HECW2: variants seen among roughly 807,000 people sequenced by gnomAD.
HECW2 encodes E3 ubiquitin-protein ligase HECW2.
HECW2 carries 61 observed loss-of-function variants against 175.2 expected under a neutral mutation model. The ratio of observed to expected loss-of-function variants is 0.35; its 90% CI spans 0.28 to 0.43. The LOEUF (loss-of-function observed/expected upper bound fraction) is 0.43, where lower values mean the gene tolerates loss of function less well. HECW2 is among the 20% of genes least tolerant of loss of function. The pLI is 1.00. For synonymous variants in HECW2, 671 were observed against 731.0 expected, an observed-to-expected ratio of 0.92 and a Z score of 1.32; for missense variants, 1,524 against 2,000.5, an observed-to-expected ratio of 0.76 and a Z score of 4.54.
intron 1 of HECW2, among the ~76,000 whole-genome samples, chr2:196,481,084 G>A (rs918335020): frequency 6.6e-6 from 1 of 152,230 alleles, no homozygotes; most frequent in Admixed American, 6.5e-5. Flanking sequence ...CAAGTTTCAA[G>A]AAGGCTTTGG....
chr2:196,349,662 G>C (rs564687346), intron 2 of HECW2, among the ~76,000 whole-genome samples: 2 of 152,188 alleles, frequency 1.3e-5, no homozygotes, highest in South Asian at 4.2e-4. Flanking sequence ...TTACAACTTA[G>C]AGCTACTCCC....
intron 13 of HECW2, among the ~76,000 whole-genome samples, chr2:196,294,160 A>G (rs1690715919): frequency 6.6e-6 from 1 of 151,538 alleles, no homozygotes. Context: ...CTTCATTTCT[A>G]TGATATTTAA....
chr2:196,380,891 C>T (rs1012463824), intron 2 of HECW2, among the ~76,000 whole-genome samples: 2 of 152,144 alleles, frequency 1.3e-5, no homozygotes, highest in Non-Finnish European at 2.9e-5. Context: ...AATAAATGCT[C>T]CTCATGTACT....
At chr2:196,220,611 G>A (rs1336482808) in intron 25 of HECW2, among the ~76,000 whole-genome samples, 184 bp downstream of exon 25, 5 of 152,138 alleles carry the variant, frequency 3.3e-5, no homozygotes, top group Non-Finnish European at 4.4e-5. Flanking sequence ...GTGATCTCTC[G>A]TAACAGTGAG....
intron 1 of HECW2, among the ~76,000 whole-genome samples, chr2:196,585,967 T>C (rs1439294514): frequency 6.6e-6 from 1 of 152,104 alleles, no homozygotes; most frequent in Non-Finnish European, 1.5e-5. Context: ...CCACCCAATA[T>C]CTTCATGCAA....
intron 1 of HECW2, among the ~76,000 whole-genome samples, chr2:196,496,003 T>C (rs573560877): frequency 6.6e-6 from 1 of 152,322 alleles, no homozygotes; most frequent in South Asian, 2.1e-4. Context: ...GAAAGGAAGA[T>C]GAGCATCTTT....
chr2:196,215,094 G>A (rs1050161846), intron 28 of HECW2, among the ~76,000 whole-genome samples: 1 of 152,086 alleles, frequency 6.6e-6, no homozygotes, highest in Non-Finnish European at 1.5e-5. Context: ...TTGGATAAAG[G>A]AATTCTAAAA....
At position 196,194,229 on chromosome 2, in the gene HECW2, AAAATACTAT is replaced by A. The variant is rs1310261853; in HGVS notation, c.*7039_*7047del. 1.3e-5 allele frequency: 2 copies of A among 151,496 alleles called. No individual in the cohort carries two copies. Among genetic ancestry groups the A allele is most frequent in the Non-Finnish European group, 2.9e-5 (2 of 67,840 alleles). The allele number at this position is 151,496 out of a possible 1,614,324, so 9.4% of individuals were successfully genotyped here. A position where few individuals can be genotyped will look rare whatever the true frequency, so the allele number is the denominator to read the frequency against. On this transcript the variant is annotated 3_prime_UTR_variant, in exon 29 of 29. Coordinates refer to ENST00000644978, the MANE Select transcript of HECW2 (RefSeq NM_001348768.2). ...AATAAAAATATAAATAAAAATAAAC[AAAATACTAT>A]AAATACTATGAAAACAGAACCTCCA...
intron 1 of HECW2, among the ~76,000 whole-genome samples, chr2:196,448,195 C>G (rs1001922244): frequency 5.9e-5 from 9 of 152,192 alleles, no homozygotes; most frequent in Non-Finnish European, 1.3e-4. Flanking sequence ...TTGTCAGGAT[C>G]AAGCCCTTTG....
In HECW2 at chr2:196,223,676, C is replaced by T. The variant is rs148124296; in HGVS notation, c.4017-1336G>A. 4.4e-4 allele frequency among the ~76,000 whole-genome samples: 67 copies of T among 152,142 alleles called. 1 individual carries two copies. The East Asian group carries it at 0.011, about 26-fold the overall frequency. ...TAAGACAGGGCATGACATGATCAGA[C>T]GTGAAATGTGAATTATAAACAGCTC... is the stretch of plus-strand genomic sequence containing the variant. On this transcript the variant is annotated intron_variant, in intron 23 of 28. Transcript: ENST00000644978.
chr2:196,442,667 G>A (rs934188109), intron 1 of HECW2, among the ~76,000 whole-genome samples: 1 of 152,060 alleles, frequency 6.6e-6, no homozygotes, highest in Non-Finnish European at 1.5e-5. Context: ...CATGCTATAA[G>A]GTTAAGTATT....
intron 2 of HECW2, among the ~76,000 whole-genome samples, chr2:196,419,289 C>T (rs1179906107): frequency 6.6e-6 from 1 of 152,168 alleles, no homozygotes; most frequent in East Asian, 1.9e-4. Flanking sequence ...TCTGAATCCT[C>T]ACTTAAAAGA....
intron 2 of HECW2, among the ~76,000 whole-genome samples, chr2:196,417,345 A>C (rs1484694762): frequency 6.6e-6 from 1 of 152,254 alleles, no homozygotes; most frequent in African/African-American, 2.4e-5. Context: ...CAAAGACAGC[A>C]TCACATAATA....
At chr2:196,345,178 C>A (rs1262823860) in intron 2 of HECW2, among the ~76,000 whole-genome samples, 1 of 152,216 alleles carries the variant, frequency 6.6e-6, no homozygotes, top group East Asian at 1.9e-4. Context: ...CAAACAACTC[C>A]ATTTCATACA....
intron 1 of HECW2, among the ~76,000 whole-genome samples, chr2:196,476,795 T>G (rs1399610378): frequency 6.6e-6 from 1 of 151,342 alleles, no homozygotes; most frequent in Non-Finnish European, 1.5e-5. Flanking sequence ...CACAGAACAG[T>G]GGAATTCTGA....
chr2:196,400,332 G>A (rs1438491255), intron 2 of HECW2, among the ~76,000 whole-genome samples: 1 of 152,158 alleles, frequency 6.6e-6, no homozygotes, highest in African/African-American at 2.4e-5. Context: ...ACAGAGGAAG[G>A]ATTTTCGTGT....
At position 196,194,224 on chromosome 2, in the gene HECW2, TAAAC is replaced by T. The variant is rs1011594095; in HGVS notation, c.*7049_*7052del. Reference sequence around the variant, plus strand: ...TAAATAATAAAAATATAAATAAAAATAAACAAAATACTATAAATACTATGAAAAC... The same window carrying T: ...TAAATAATAAAAATATAAATAAAAATAAAATACTATAAATACTATGAAAAC... On this transcript the variant is annotated 3_prime_UTR_variant, in exon 29 of 29. Transcript: ENST00000644978. The T allele has an allele frequency of 1.4e-4, 21 of 151,284 alleles. No homozygotes were observed. The highest frequency in any genetic ancestry group is 5.1e-4 in the African/African-American group (21 of 41,384). 9.4% of individuals were successfully genotyped at this position (151,284 alleles called of 1,614,324 possible). A position where few individuals can be genotyped will look rare whatever the true frequency, so the allele number is the denominator to read the frequency against.
intron 14 of HECW2, among the ~76,000 whole-genome samples, chr2:196,283,527 C>G (rs1405183033): frequency 1.3e-5 from 2 of 151,772 alleles, no homozygotes; most frequent in Admixed American, 1.3e-4. Flanking sequence ...AGGCACGCAC[C>G]ACCACGCTAC....
intron 2 of HECW2, among the ~76,000 whole-genome samples, chr2:196,379,098 T>C: frequency 6.6e-6 from 1 of 150,566 alleles, no homozygotes; most frequent in East Asian, 1.9e-4. Flanking sequence ...AAACAAATCC[T>C]GAATGTGAGA....
Sources: gnomAD v4.1 joint callset for allele counts (sites outside exome capture counted in the v4.1 genomes callset) on GRCh38, gnomAD v4.1.1 for gene constraint, MANE v1.5 for transcripts, NCBI Gene and HGNC (gene_info 2026-07-23, HGNC 2026-07-21) for gene names.